POLQ: variants seen among roughly 807,000 people sequenced by gnomAD.
POLQ encodes epididymis secretory sperm binding protein.
A neutral mutation model predicts 259.2 loss-of-function variants in POLQ; 233 were observed. That is an observed-to-expected ratio of 0.90 (90% CI 0.81 to 1.00). The LOEUF is 1.00. Ranked by LOEUF, POLQ falls within the 50% of genes least tolerant of loss-of-function variation. POLQ has a pLI of 0.00. For missense variants in POLQ, 2,871 were observed against 3,051.6 expected (o/e 0.94, Z 1.39); for synonymous variants, 1,025 against 1,048.8 (o/e 0.98, Z 0.44).
chr3:121,494,857 C>G (rs1013338455), intron 14 of POLQ: 1 of 1,585,746 alleles, frequency 6.3e-7, no homozygotes, highest in Non-Finnish European at 8.5e-7. Flanking sequence ...TGGCTCGTAT[C>G]ACCAAGCTCG....
chr3:121,438,222 G>A (rs2047560721), intron 27 of POLQ, among the ~76,000 whole-genome samples: 1 of 152,152 alleles, frequency 6.6e-6, no homozygotes, highest in Non-Finnish European at 1.5e-5. Flanking sequence ...CAGAGGGCTG[G>A]AATATTTTTC....
intron 24 of POLQ, among the ~76,000 whole-genome samples, chr3:121,463,234 G>A (rs1032006890): frequency 6.6e-6 from 1 of 152,130 alleles, no homozygotes; most frequent in African/African-American, 2.4e-5. Context: ...TCCGTCTCAC[G>A]AGATCTGATG....
chr3:121,487,343 G>A lies in POLQ; in HGVS notation c.5588C>T (p.Thr1863Ile). Residue 1863 changes from threonine to isoleucine, a missense_variant, in exon 16 of 30, where the codon ACA (threonine) becomes ATA (isoleucine). By Grantham distance (89) the Thr-to-Ile change is moderately conservative. This residue lies in a region of POLQ where 2,080 missense variants were observed against 2,126.0 expected (regional missense o/e 0.98). Transcript: ENST00000264233. ...SLACEKIRSL[T>I]SSKTATIGSR... ...GCCAATAGTAGCAGTTTTAGAAGAT[G>A]TCAAACTTCTAATCTTTTCACAAGC... is the stretch of plus-strand genomic sequence containing the variant. 6.2e-7 allele frequency: 1 copy of A among 1,610,250 alleles called. No individual in the cohort carries two copies. Among genetic ancestry groups the A allele is most frequent in the Non-Finnish European group, 8.5e-7 (1 of 1,178,462 alleles).
chr3:121,496,955 G>C, intron 13 of POLQ, 23 bp from the exon 14 acceptor site: 1 of 1,610,290 alleles, frequency 6.2e-7, no homozygotes, highest in Non-Finnish European at 8.5e-7. Flanking sequence ...CATCAAAAGC[G>C]TGGTAAGAGA....
chr3:121,472,857 C>T (rs181779951), intron 21 of POLQ, among the ~76,000 whole-genome samples: 123 of 152,322 alleles, frequency 8.1e-4, no homozygotes, highest in Non-Finnish European at 1.5e-3. Flanking sequence ...CCCCTTCTCT[C>T]TTCCCTCCCA....
intron 17 of POLQ, among the ~76,000 whole-genome samples, chr3:121,483,959 TA>T (rs1183124654): frequency 6.6e-6 from 1 of 150,940 alleles, no homozygotes; most frequent in Non-Finnish European, 1.5e-5. Flanking sequence ...CTATCCAAAA[TA>T]AAAAAAAAGC....
At chr3:121,532,049 A>G (rs1341659411) in intron 6 of POLQ, among the ~76,000 whole-genome samples, 1 of 152,232 alleles carries the variant, frequency 6.6e-6, no homozygotes, top group Non-Finnish European at 1.5e-5. Context: ...CCTCAGGATT[A>G]AAGTGTATTT....
At chr3:121,539,329 A>C in intron 4 of POLQ, 104 bp downstream of exon 4, 2 of 852,008 alleles carry the variant, frequency 2.3e-6, no homozygotes, top group Non-Finnish European at 3.7e-6. Flanking sequence ...AGTAGATAAT[A>C]GACAATAGGA....
intron 7 of POLQ, among the ~76,000 whole-genome samples, chr3:121,528,758 T>C (rs1185387215): frequency 6.6e-6 from 1 of 152,090 alleles, no homozygotes; most frequent in East Asian, 1.9e-4. Context: ...TTCAAGACCA[T>C]CTTGGCTAAC....
Position 121,490,250 on chromosome 3 carries a change from A to T in POLQ, c.2681T>A (p.Met894Lys). 2 of 1,614,206 alleles carry T rather than the reference A, an allele frequency of 1.2e-6. No homozygotes were observed. The highest frequency in any genetic ancestry group is 1.7e-6 in the Non-Finnish European group (2 of 1,180,024). Residue 894 changes from methionine to lysine, a missense_variant, in exon 16 of 30, where the codon ATG (methionine) becomes AAG (lysine). Coordinates refer to ENST00000264233, the MANE Select transcript of POLQ (RefSeq NM_199420.4). ...RMILQQDLVE[M>K]GVQWNPCALL... ...GGCACATGGATTCCATTGCACTCCCATTTCAACTAAGTCCTGCTGCAGAAT... is the reference window on the plus strand; with the variant it reads ...GGCACATGGATTCCATTGCACTCCCTTTTCAACTAAGTCCTGCTGCAGAAT...
chr3:121,436,903 C>T (rs73191784), intron 27 of POLQ, among the ~76,000 whole-genome samples: 5,481 of 151,826 alleles, frequency 0.036, 148 homozygotes, highest in Middle Eastern at 0.082. Flanking sequence ...ACCATGCCTA[C>T]TAAAATTAAT....
rs769463467 is a variant in POLQ at position 121,488,823 on chromosome 3, CCTT to C, written c.4105_4107del (p.Lys1369del). ...TCAGCAGGAAAAGGAATGTGACACTCCTTCTGAAAAGAGTTCATTGAGTTCTGT... is the reference window on the plus strand; with the variant it reads ...TCAGCAGGAAAAGGAATGTGACACTCCTGAAAAGAGTTCATTGAGTTCTGT... On this transcript the variant is annotated inframe_deletion, in exon 16 of 30. Transcript: ENST00000264233. 2.0e-5 allele frequency: 33 copies of C among 1,613,914 alleles called. No individual in the cohort carries two copies. The Admixed American group carries it at 3.7e-4, about 18-fold the overall frequency.
chr3:121,506,215 T>C lies in POLQ; in HGVS notation c.1959+3346A>G, dbSNP rs1163042930. On this transcript the variant is annotated intron_variant, in intron 12 of 29. Coordinates refer to ENST00000264233, the MANE Select transcript of POLQ (RefSeq NM_199420.4). The stretch of plus-strand genomic sequence containing the variant: ...TGAAAAATCAAGAGGAAAATCATTC[T>C]ACTTATACCACAAAGCACCAATCTC... Among the ~76,000 whole-genome samples, 4 of 152,118 alleles carry C rather than the reference T, an allele frequency of 2.6e-5. No homozygotes were observed. In the South Asian group the frequency reaches 8.3e-4, roughly 32 times the overall value.
In POLQ at chr3:121,488,800, A is replaced by G. The variant is rs757369707; in HGVS notation, c.4131T>C (p.Ala1377=). 1 of 1,613,940 alleles carries G rather than the reference A, an allele frequency of 6.2e-7. No individual in the cohort carries two copies. The highest frequency in any genetic ancestry group is 1.1e-5 in the South Asian group (1 of 91,016). ...FQKECHIPFP[A]EQHPLGATKI... is the part of the protein sequence containing the mutation. ...TAGTCGCTCCTAGAGGGTGCTGTTCAGCAGGAAAAGGAATGTGACACTCCT... is the reference window on the plus strand; with the variant it reads ...TAGTCGCTCCTAGAGGGTGCTGTTCGGCAGGAAAAGGAATGTGACACTCCT... Residue 1377 remains alanine (A), a synonymous_variant, in exon 16 of 30, where the codon GCT becomes GCC. Transcript: ENST00000264233.
At chr3:121,483,300 T>C (rs1352287895) in intron 18 of POLQ, 86 bp downstream of exon 18, 2 of 676,396 alleles carry the variant, frequency 3.0e-6, no homozygotes, top group African/African-American at 3.7e-5. Flanking sequence ...AGCTGCATTA[T>C]TGATGCTAAG....
rs1031795936 is a variant in POLQ, at chr3:121,487,455, A to C, written c.5476T>G (p.Ser1826Ala). The C allele has an allele frequency of 3.7e-6, 6 of 1,614,096 alleles. No individual in the cohort carries two copies. Among genetic ancestry groups the C allele is most frequent in the East Asian group, 2.2e-5 (1 of 44,866 alleles). Residue 1826 changes from serine to alanine, a missense_variant, in exon 16 of 30, where the codon TCC becomes GCC. Around this residue, in one of 3 missense-constraint regions of POLQ, gnomAD observed 2,080 missense variants for 2,126.0 expected, o/e 0.98. Transcript: ENST00000264233. Reference protein sequence around the residue: ...TPASSSSESLSIIDVASDQNL... With the variant: ...TPASSSSESLAIIDVASDQNL... ...TGGTCACTTGCTACATCAATTATGG[A>C]CAAACTTTCTGAACTGCTTGAGGCT...
At chr3:121,544,704 T>A in intron 2 of POLQ, 23 bp downstream of exon 2, 1 of 1,471,004 alleles carries the variant, frequency 6.8e-7, no homozygotes, top group Non-Finnish European at 9.5e-7. Flanking sequence ...AAAATAGTAA[T>A]TAGTTTACAT....
At chr3:121,454,244 G>A (rs1375536555) in intron 25 of POLQ, among the ~76,000 whole-genome samples, 1 of 152,186 alleles carries the variant, frequency 6.6e-6, no homozygotes, top group Admixed American at 6.5e-5. Context: ...ACTAAACATG[G>A]AAAGGAACAA....
intron 9 of POLQ, among the ~76,000 whole-genome samples, chr3:121,515,217 C>T (rs1211189918): frequency 6.6e-6 from 1 of 152,058 alleles, no homozygotes; most frequent in Non-Finnish European, 1.5e-5. Context: ...CATAGGAGTG[C>T]AGTGGCATGA....
Sources: gnomAD v4.1 joint callset for allele counts (sites outside exome capture counted in the v4.1 genomes callset) on GRCh38, gnomAD v4.1.1 for gene constraint, gnomAD v4.1.1 regional missense constraint, MANE v1.5 for transcripts, NCBI Gene and HGNC (gene_info 2026-07-23, HGNC 2026-07-21) for gene names.